The following MAPKAP1 variants were observed in gnomAD, a reference collection of about 807,000 sequenced individuals.
The protein encoded by MAPKAP1 is MAPK associated protein 1.
In MAPKAP1, 20 loss-of-function variants were observed where a neutral mutation model predicts 65.7. The ratio of observed to expected loss-of-function variants is 0.30; its 90% CI spans 0.21 to 0.44. The LOEUF is 0.44. Among genes scored for constraint, MAPKAP1 ranks in the 20% least tolerant of loss-of-function variants. The pLI, the probability that MAPKAP1 is intolerant of heterozygous loss-of-function variation, is 1.00. For synonymous variants in MAPKAP1, 222 were observed against 244.3 expected, an observed-to-expected ratio of 0.91 and a Z score of 0.85; for missense variants, 423 against 648.0, an observed-to-expected ratio of 0.65 and a Z score of 3.77.
chr9:125,528,630 C>A (rs926798754), intron 7 of MAPKAP1, among the ~76,000 whole-genome samples: 2 of 148,484 alleles, frequency 1.3e-5, no homozygotes, highest in Non-Finnish European at 3.0e-5. Context: ...AGGTGGATCA[C>A]GAGGTCAGGA....
At chr9:125,618,134 G>A (rs570984895) in intron 4 of MAPKAP1, among the ~76,000 whole-genome samples, 198 of 151,986 alleles carry the variant, frequency 1.3e-3, no homozygotes, top group African/African-American at 4.6e-3. Context: ...CTGAGGTCAG[G>A]AGTTCGAGAC....
chr9:125,572,250 G>A (rs888961257), intron 5 of MAPKAP1, among the ~76,000 whole-genome samples: 5 of 152,176 alleles, frequency 3.3e-5, no homozygotes, highest in African/African-American at 1.2e-4. Flanking sequence ...GGGACCCCAA[G>A]AGGAGAGGAA....
intron 3 of MAPKAP1, among the ~76,000 whole-genome samples, chr9:125,658,062 T>C (rs1439498563): frequency 1.3e-5 from 2 of 152,148 alleles, no homozygotes; most frequent in South Asian, 4.1e-4. Context: ...AGCCATTTTA[T>C]AGGAAGAGCA....
chr9:125,518,998 T>C (rs1829542982), intron 7 of MAPKAP1, among the ~76,000 whole-genome samples: 1 of 152,212 alleles, frequency 6.6e-6, no homozygotes, highest in Non-Finnish European at 1.5e-5. Flanking sequence ...TAGATCATTA[T>C]AAGTATTACA....
intron 1 of MAPKAP1, among the ~76,000 whole-genome samples, chr9:125,702,172 G>A (rs1168358271): frequency 2.0e-5 from 3 of 152,206 alleles, no homozygotes; most frequent in African/African-American, 4.8e-5. Context: ...CATGGCAGGA[G>A]TATCATTTGA....
chr9:125,486,746 C>T (rs1197133465), intron 8 of MAPKAP1, among the ~76,000 whole-genome samples: 1 of 152,058 alleles, frequency 6.6e-6, no homozygotes, highest in Non-Finnish European at 1.5e-5. Flanking sequence ...TGGCAGAATC[C>T]CATCTCAGAG....
chr9:125,671,900 T>C (rs971280730), intron 2 of MAPKAP1, among the ~76,000 whole-genome samples: 1 of 152,168 alleles, frequency 6.6e-6, no homozygotes, highest in Admixed American at 6.5e-5. Context: ...GGGCAAGAAG[T>C]GCCTGCTCTC....
chr9:125,568,418 C>T (rs141360644), intron 5 of MAPKAP1, among the ~76,000 whole-genome samples: 27 of 152,304 alleles, frequency 1.8e-4, no homozygotes, highest in African/African-American at 5.8e-4. Context: ...TTGCAACCAA[C>T]GAGCAGCCGC....
rs543736758 is a variant in MAPKAP1 at position 125,476,532 on chromosome 9, T to C, written c.1207+7911A>G. ...TCAGATTATGTGATTACTTGAACTG[T>C]ACTCCACAGGTACCCCACTGGAAAC... On this transcript the variant is annotated intron_variant, in intron 9 of 11. Coordinates refer to ENST00000265960, the MANE Select transcript of MAPKAP1 (RefSeq NM_001006617.3). 1.5e-4 allele frequency among the ~76,000 whole-genome samples: 22 copies of C among 151,650 alleles called. No individual in the cohort carries two copies. The South Asian group carries it at 4.4e-3, about 30-fold the overall frequency.
chr9:125,496,938 C>A (rs943790436), intron 8 of MAPKAP1, among the ~76,000 whole-genome samples: 5 of 152,106 alleles, frequency 3.3e-5, no homozygotes, highest in Admixed American at 1.3e-4. Context: ...AGAGGGGACT[C>A]AGACTGGGTT....
At chr9:125,541,872 G>A (rs1374453814) in intron 7 of MAPKAP1, among the ~76,000 whole-genome samples, 2 of 152,158 alleles carry the variant, frequency 1.3e-5, no homozygotes, top group Admixed American at 6.5e-5. Context: ...CTATCTCTGC[G>A]GCCAGTGATG....
chr9:125,505,984 C>A (rs7044663), intron 8 of MAPKAP1: 4 of 330,928 alleles, frequency 1.2e-5, no homozygotes, highest in African/African-American at 6.3e-5. Context: ...ACAGGGCCAG[C>A]TGCTTTATAT....
intron 4 of MAPKAP1, among the ~76,000 whole-genome samples, chr9:125,638,344 G>C (rs1311826504): frequency 6.6e-6 from 1 of 152,162 alleles, no homozygotes; most frequent in East Asian, 1.9e-4. Flanking sequence ...TCTGAGAAGT[G>C]TCAAATCTGA....
At chr9:125,596,115 G>A (rs1832117946) in intron 4 of MAPKAP1, 1 of 837,240 alleles carries the variant, frequency 1.2e-6, no homozygotes, top group African/African-American at 1.7e-5. Context: ...ACTTGCCTTT[G>A]TAACCTTTGA....
intron 4 of MAPKAP1, among the ~76,000 whole-genome samples, chr9:125,645,732 G>C (rs1476484754): frequency 8.2e-6 from 1 of 122,670 alleles, no homozygotes; most frequent in Non-Finnish European, 1.6e-5. Flanking sequence ...GCAAGACTCT[G>C]TCTCAAAAAA....
chr9:125,543,158 G>A lies in MAPKAP1; in HGVS notation c.859C>T (p.His287Tyr), dbSNP rs570345510. 8.7e-6 allele frequency: 14 copies of A among 1,606,808 alleles called. No individual in the cohort carries two copies. The East Asian group carries it at 2.2e-4, about 26-fold the overall frequency. Reference sequence around the variant, plus strand: ...TCCACCTGAATAAGGGAGAATCCATGAGCAGCATTTCTGTAGGAAAAGACA... The same window carrying A: ...TCCACCTGAATAAGGGAGAATCCATAAGCAGCATTTCTGTAGGAAAAGACA... ...ESLFVRINAA[H>Y]GFSLIQVDNT... The change falls in exon 7 of 12, where the codon CAT (histidine) becomes TAT (tyrosine). Residue 287 changes from histidine (H) to tyrosine (Y), a missense_variant. Coordinates refer to ENST00000265960, the MANE Select transcript of MAPKAP1 (RefSeq NM_001006617.3).
intron 4 of MAPKAP1, among the ~76,000 whole-genome samples, chr9:125,608,751 C>G (rs893374313): frequency 6.6e-6 from 1 of 152,120 alleles, no homozygotes; most frequent in South Asian, 2.1e-4. Flanking sequence ...GAGCCCAAAC[C>G]GGCTGCCTTA....
At chr9:125,513,871 C>T (rs1053172135) in intron 7 of MAPKAP1, among the ~76,000 whole-genome samples, 1 of 152,186 alleles carries the variant, frequency 6.6e-6, no homozygotes, top group Admixed American at 6.5e-5. Flanking sequence ...TCTATTTAAA[C>T]AAGCTTGCTT....
chr9:125,689,622 C>T (rs1240509886), intron 1 of MAPKAP1, among the ~76,000 whole-genome samples: 1 of 148,638 alleles, frequency 6.7e-6, no homozygotes, highest in Non-Finnish European at 1.5e-5. Flanking sequence ...GCCTGTAATC[C>T]CAGCTACTCA....
Sources: allele counts gnomAD v4.1 joint callset (sites outside exome capture counted in the v4.1 genomes callset), GRCh38; gene constraint gnomAD v4.1.1; transcripts MANE v1.5; gene names NCBI Gene and HGNC (gene_info 2026-07-23, HGNC 2026-07-21).